Variants in MACROD2 observed in about 807,000 individuals in gnomAD.
MACROD2 encodes the protein ADP-ribose glycohydrolase MACROD2.
A neutral mutation model predicts 70.4 loss-of-function variants in MACROD2; 36 were observed. The ratio of observed to expected loss-of-function variants is 0.51; its 90% CI spans 0.39 to 0.68. The LOEUF (loss-of-function observed/expected upper bound fraction) is 0.68. Among genes scored for constraint, MACROD2 ranks in the 30% least tolerant of loss-of-function variants. MACROD2 has a pLI of 0.00. For synonymous variants in MACROD2, 172 were observed against 178.8 expected, an observed-to-expected ratio of 0.96 and a Z score of 0.30; for missense variants, 496 against 538.4, an observed-to-expected ratio of 0.92 and a Z score of 0.78.
chr20:14,751,453 C>G (rs1439549982), intron 5 of MACROD2, among the ~76,000 whole-genome samples: 4 of 152,158 alleles, frequency 2.6e-5, no homozygotes, highest in Non-Finnish European at 5.9e-5. Flanking sequence ...CAAAACTGAT[C>G]TGTACCAATT....
At chr20:15,715,643 G>A (rs1269968067) in intron 8 of MACROD2, among the ~76,000 whole-genome samples, 1 of 152,114 alleles carries the variant, frequency 6.6e-6, no homozygotes, top group Non-Finnish European at 1.5e-5. Context: ...CAATAGACAT[G>A]TTGCATATAT....
At chr20:14,439,855 G>A (rs1431062333) in intron 3 of MACROD2, among the ~76,000 whole-genome samples, 1 of 152,086 alleles carries the variant, frequency 6.6e-6, no homozygotes, top group East Asian at 1.9e-4. Flanking sequence ...TTGGTTGTGA[G>A]TACACATAGA....
At chr20:14,777,980 A>G (rs1411446398) in intron 5 of MACROD2, among the ~76,000 whole-genome samples, 1 of 152,088 alleles carries the variant, frequency 6.6e-6, no homozygotes, top group East Asian at 1.9e-4. Context: ...ACTTTCAATA[A>G]TGGGTTGAGC....
chr20:15,588,174 G>A (rs969154003), intron 8 of MACROD2, among the ~76,000 whole-genome samples: 6 of 152,208 alleles, frequency 3.9e-5, no homozygotes, highest in African/African-American at 1.4e-4. Context: ...TGTGGAAGCT[G>A]CCAAGGGTTG....
intron 10 of MACROD2, among the ~76,000 whole-genome samples, chr20:15,890,739 GT>G (rs903859309): frequency 3.5e-4 from 53 of 151,364 alleles, no homozygotes; most frequent in African/African-American, 1.2e-3. Flanking sequence ...CAAATGTGGG[GT>G]TTTTTTTTGT....
chr20:14,152,529 C>T (rs112164043), intron 3 of MACROD2, among the ~76,000 whole-genome samples: 4,021 of 151,174 alleles, frequency 0.027, 53 homozygotes, highest in Non-Finnish European at 0.032. Flanking sequence ...CAGGTTCAAG[C>T]AATTCTCCTG....
chr20:14,074,423 C>G (rs1198989654), intron 2 of MACROD2, among the ~76,000 whole-genome samples: 2 of 152,172 alleles, frequency 1.3e-5, no homozygotes, highest in Non-Finnish European at 2.9e-5. Context: ...ACTGATTGAT[C>G]TGGGATCTGT....
intron 3 of MACROD2, among the ~76,000 whole-genome samples, chr20:14,299,842 C>T (rs2082459770): frequency 6.6e-6 from 1 of 152,146 alleles, no homozygotes; most frequent in Non-Finnish European, 1.5e-5. Flanking sequence ...TAGTGAAGGA[C>T]TTCCTTTTGA....
At position 14,986,502 on chromosome 20, in the gene MACROD2, G is replaced by A. The variant is rs529686840; in HGVS notation, c.419-243438G>A. 9.2e-5 allele frequency among the ~76,000 whole-genome samples: 14 copies of A among 152,122 alleles called. 1 individual carries two copies. Among genetic ancestry groups the A allele is most frequent in the South Asian group, 2.1e-4 (1 of 4,800 alleles). Reference sequence around the variant, plus strand: ...ATATTAGCCAAATCACTTAGATACCGTCCTAAGTGCTGGAACTCTTTAAGT... The same window carrying A: ...ATATTAGCCAAATCACTTAGATACCATCCTAAGTGCTGGAACTCTTTAAGT... On this transcript the variant is annotated intron_variant, in intron 5 of 17. Coordinates refer to ENST00000684519, the MANE Select transcript of MACROD2 (RefSeq NM_001351661.2).
intron 6 of MACROD2, among the ~76,000 whole-genome samples, chr20:15,312,580 G>A (rs6079743): frequency 0.038 from 5,754 of 152,180 alleles, 142 homozygotes; most frequent in South Asian, 0.099. Context: ...ATACAGAACC[G>A]TGTATATAGT....
intron 7 of MACROD2, among the ~76,000 whole-genome samples, chr20:15,477,881 C>G (rs747050178): frequency 6.6e-6 from 1 of 152,096 alleles, no homozygotes. Flanking sequence ...GACAATGCAC[C>G]GTAACAGCAG....
At chr20:15,601,953 G>A (rs866068818) in intron 8 of MACROD2, among the ~76,000 whole-genome samples, 6 of 152,070 alleles carry the variant, frequency 3.9e-5, no homozygotes, top group South Asian at 2.1e-4. Context: ...GCTTAAATCC[G>A]GGAGGTGGAG....
chr20:15,623,761 A>G (rs1358511413), intron 8 of MACROD2, among the ~76,000 whole-genome samples: 1 of 123,588 alleles, frequency 8.1e-6, no homozygotes, highest in African/African-American at 3.1e-5. Flanking sequence ...CTATCTGCCT[A>G]TCTATCTATG....
At chr20:14,252,371 C>T (rs996723478) in intron 3 of MACROD2, among the ~76,000 whole-genome samples, 2 of 151,944 alleles carry the variant, frequency 1.3e-5, no homozygotes, top group Admixed American at 1.3e-4. Context: ...TGGTTGGCCA[C>T]CTTTCCCTCA....
At chr20:14,368,349 G>A (rs1335042108) in intron 3 of MACROD2, among the ~76,000 whole-genome samples, 2 of 152,014 alleles carry the variant, frequency 1.3e-5, no homozygotes, top group Admixed American at 6.6e-5. Flanking sequence ...TCAGGAGATC[G>A]AGACTAACAC....
intron 3 of MACROD2, among the ~76,000 whole-genome samples, chr20:14,263,059 A>C (rs2082113544): frequency 6.6e-6 from 1 of 152,202 alleles, no homozygotes; most frequent in South Asian, 2.1e-4. Context: ...AAAGTGAATT[A>C]TCAGTGAATT....
At chr20:14,288,612 A>G (rs1282282511) in intron 3 of MACROD2, among the ~76,000 whole-genome samples, 3 of 152,056 alleles carry the variant, frequency 2.0e-5, no homozygotes, top group Non-Finnish European at 4.4e-5. Context: ...TCTTAACACC[A>G]TGGGAGGTGA....
intron 7 of MACROD2, among the ~76,000 whole-genome samples, chr20:15,480,350 AC>A (rs1438757971): frequency 1.3e-5 from 2 of 152,152 alleles, no homozygotes; most frequent in East Asian, 3.8e-4. Context: ...AACCATAGTC[AC>A]TTTTAACCAA....
chr20:14,916,461 T>G (rs2074093080), intron 5 of MACROD2, among the ~76,000 whole-genome samples: 1 of 152,210 alleles, frequency 6.6e-6, no homozygotes, highest in African/African-American at 2.4e-5. Flanking sequence ...AGCTAGTTAC[T>G]TAGACATCTG....
Sources: gnomAD v4.1 joint callset for allele counts (sites outside exome capture counted in the v4.1 genomes callset) on GRCh38, gnomAD v4.1.1 for gene constraint, MANE v1.5 for transcripts, NCBI Gene and HGNC (gene_info 2026-07-23, HGNC 2026-07-21) for gene names.